Variants in LRBA observed in about 807,000 individuals in gnomAD.
LRBA encodes lipopolysaccharide-responsive and beige-like anchor protein.
LRBA carries 176 observed loss-of-function variants against 330.0 expected under a neutral mutation model. The ratio of observed to expected loss-of-function variants is 0.53; its 90% CI spans 0.47 to 0.60. LRBA has a LOEUF of 0.60. LRBA is among the 20% of genes least tolerant of loss of function. The pLI is 0.00. For missense variants in LRBA, 3,259 were observed against 3,444.8 expected (o/e 0.95, Z 1.35); for synonymous variants, 1,230 against 1,193.0 (o/e 1.03, Z -0.64).
At chr4:150,981,727 G>A (rs891990186) in intron 2 of LRBA, among the ~76,000 whole-genome samples, 4 of 152,066 alleles carry the variant, frequency 2.6e-5, no homozygotes, top group Admixed American at 6.6e-5. Flanking sequence ...TTGGGAGGCC[G>A]AGGCAGGTGG....
chr4:150,869,419 C>A (rs1017695519), intron 20 of LRBA, among the ~76,000 whole-genome samples: 1 of 152,018 alleles, frequency 6.6e-6, no homozygotes, highest in East Asian at 1.9e-4. Context: ...CCAGGCACAG[C>A]GGCTCATGCC....
chr4:150,944,208 G>C (rs564291624), intron 2 of LRBA, among the ~76,000 whole-genome samples: 8 of 152,326 alleles, frequency 5.3e-5, no homozygotes, highest in Middle Eastern at 3.4e-3. Flanking sequence ...TACACTGTAA[G>C]GTTTGGGGGT....
At chr4:150,803,268 A>G (rs1742011384) in intron 33 of LRBA, among the ~76,000 whole-genome samples, 1 of 151,802 alleles carries the variant, frequency 6.6e-6, no homozygotes, top group African/African-American at 2.4e-5. Context: ...TTTACATGCT[A>G]TTAAGTATTC....
At chr4:150,455,011 C>T (rs1561202030) in intron 44 of LRBA, among the ~76,000 whole-genome samples, 3 of 150,258 alleles carry the variant, frequency 2.0e-5, no homozygotes, top group African/African-American at 7.3e-5. Context: ...TTTTAGGGTA[C>T]ATGTGCACAT....
At chr4:150,451,059 C>G (rs1753284249) in intron 44 of LRBA, among the ~76,000 whole-genome samples, 2 of 151,882 alleles carry the variant, frequency 1.3e-5, no homozygotes, top group Non-Finnish European at 2.9e-5. Context: ...ACAGAACAAA[C>G]AAATAGAAAA....
intron 47 of LRBA, among the ~76,000 whole-genome samples, chr4:150,369,151 G>A (rs1739900092): frequency 6.6e-6 from 1 of 152,064 alleles, no homozygotes; most frequent in Non-Finnish European, 1.5e-5. Context: ...AGTATTACTA[G>A]GTGTAAAATT....
chr4:150,396,851 ACT>A (rs1197081151), intron 47 of LRBA, among the ~76,000 whole-genome samples: 3 of 151,694 alleles, frequency 2.0e-5, no homozygotes, highest in Non-Finnish European at 4.4e-5. Flanking sequence ...TTATACAAAC[ACT>A]CACACACATA....
rs558661653 is a variant in LRBA, at chr4:150,806,614, A to C, written c.5385-210T>G. On this transcript the variant is annotated intron_variant, in intron 32 of 56. Coordinates refer to ENST00000651943, the MANE Select transcript of LRBA (RefSeq NM_001364905.1). ...TATCTTGCCCCTACAATCTCCAACAAACAACCTGGTTAACAACCACTCCAA... is the reference window on the plus strand; with the variant it reads ...TATCTTGCCCCTACAATCTCCAACACACAACCTGGTTAACAACCACTCCAA... Among the ~76,000 whole-genome samples the C allele has an allele frequency of 3.3e-5, 5 of 152,182 alleles. No individual in the cohort carries two copies. The South Asian group carries it at 1.0e-3, about 32-fold the overall frequency.
chr4:151,014,143 C>T (rs552810567), intron 2 of LRBA: 9 of 273,854 alleles, frequency 3.3e-5, no homozygotes, highest in Non-Finnish European at 6.1e-5. Flanking sequence ...TTAGAGATAA[C>T]TCCTCCGCTA....
rs536818807 is a variant in LRBA at position 150,767,813 on chromosome 4, C to T, written c.5581-5966G>A. On this transcript the variant is annotated intron_variant, in intron 34 of 56. Coordinates refer to ENST00000651943, the MANE Select transcript of LRBA (RefSeq NM_001364905.1). ...GCGCGGTGGCTCACACGTGTAATTCCAGCACTTTGGGAGGCCGAGGTGGGC... is the reference window on the plus strand; with the variant it reads ...GCGCGGTGGCTCACACGTGTAATTCTAGCACTTTGGGAGGCCGAGGTGGGC... 2.0e-5 allele frequency among the ~76,000 whole-genome samples: 3 copies of T among 148,462 alleles called. No individual in the cohort carries two copies. The East Asian group carries it at 6.0e-4, about 30-fold the overall frequency.
At chr4:150,992,137 G>A (rs1051008795) in intron 2 of LRBA, among the ~76,000 whole-genome samples, 9 of 152,070 alleles carry the variant, frequency 5.9e-5, no homozygotes, top group Non-Finnish European at 8.8e-5. Context: ...CCAACATGGC[G>A]AAACCCAGTC....
chr4:150,294,931 CAG>C (rs1728780996), intron 53 of LRBA, among the ~76,000 whole-genome samples: 1 of 151,590 alleles, frequency 6.6e-6, no homozygotes, highest in African/African-American at 2.4e-5. Flanking sequence ...AGCCTGGTGA[CAG>C]AGAGATACTC....
chr4:150,269,038 T>C (rs1365762622), intron 56 of LRBA, among the ~76,000 whole-genome samples: 3 of 151,946 alleles, frequency 2.0e-5, no homozygotes, highest in Admixed American at 6.6e-5. Flanking sequence ...TTCAGCAAAT[T>C]TGCAGGATAT....
At chr4:150,778,433 C>T (rs775719664) in intron 34 of LRBA, among the ~76,000 whole-genome samples, 1 of 152,116 alleles carries the variant, frequency 6.6e-6, no homozygotes, top group Non-Finnish European at 1.5e-5. Context: ...ACTATAAACA[C>T]ATTTTTAATT....
intron 37 of LRBA, among the ~76,000 whole-genome samples, chr4:150,678,996 TA>T (rs781341081): frequency 3.9e-4 from 58 of 149,132 alleles, no homozygotes; most frequent in African/African-American, 1.0e-3. Flanking sequence ...ACTTATTTAG[TA>T]AAAAAAAAAT....
chr4:150,598,960 A>G (rs889567455), intron 38 of LRBA, 47 bp downstream of exon 38: 1 of 1,604,490 alleles, frequency 6.2e-7, no homozygotes, highest in Admixed American at 1.7e-5. Flanking sequence ...CTTCATTACC[A>G]AGTCCTGTAC....
intron 48 of LRBA, among the ~76,000 whole-genome samples, chr4:150,343,747 T>C (rs1009653755): frequency 1.3e-5 from 2 of 152,020 alleles, no homozygotes; most frequent in Admixed American, 6.6e-5. Flanking sequence ...CACACACACA[T>C]CCCTCTCTGT....
chr4:150,482,394 T>C (rs1172267703), intron 42 of LRBA, among the ~76,000 whole-genome samples: 2 of 152,158 alleles, frequency 1.3e-5, no homozygotes, highest in Non-Finnish European at 2.9e-5. Flanking sequence ...CTAAGTACTA[T>C]ATAGATTCCA....
chr4:150,634,566 G>A (rs925146666), intron 37 of LRBA, among the ~76,000 whole-genome samples: 6 of 152,122 alleles, frequency 3.9e-5, no homozygotes, highest in Non-Finnish European at 7.4e-5. Context: ...AATTCATGAC[G>A]TCCATTTGAA....
Sources: gnomAD v4.1 joint callset for allele counts (sites outside exome capture counted in the v4.1 genomes callset) on GRCh38, gnomAD v4.1.1 for gene constraint, MANE v1.5 for transcripts, NCBI Gene and HGNC (gene_info 2026-07-23, HGNC 2026-07-21) for gene names.